The following KHDRBS3 variants were observed in gnomAD, a reference collection of about 807,000 sequenced individuals.
KHDRBS3 encodes KH RNA binding domain containing, signal transduction associated 3.
A neutral mutation model predicts 45.6 loss-of-function variants in KHDRBS3; 23 were observed. The observed-to-expected ratio is 0.50, with a 90% CI of 0.36 to 0.72. KHDRBS3 has a LOEUF of 0.72. Among genes scored for constraint, KHDRBS3 ranks in the 30% least tolerant of loss-of-function variants. The probability of loss-of-function intolerance (pLI) is 0.00; values close to 1 mark genes in which losing one functional copy is unlikely to be tolerated. For missense variants in KHDRBS3, 352 were observed against 424.8 expected, an observed-to-expected ratio of 0.83 and a Z score of 1.51; for synonymous variants, 162 against 156.5, an observed-to-expected ratio of 1.04 and a Z score of -0.26.
At position 135,472,477 on chromosome 8, in the gene KHDRBS3, C is replaced by T. The variant is rs566391030; in HGVS notation, c.88+14523C>T. Among the ~76,000 whole-genome samples the T allele has an allele frequency of 5.3e-5, 8 of 152,090 alleles. No homozygotes were observed. The East Asian group carries it at 1.5e-3, about 29-fold the overall frequency. ...AGTGCCCAGAGCTGTGTCTGAAATG[C>T]AAAAGACAAACTGTGTTTGTTGAAT... is the stretch of plus-strand genomic sequence containing the variant. On this transcript the variant is annotated intron_variant, in intron 1 of 8. Transcript: ENST00000355849.
intron 3 of KHDRBS3, among the ~76,000 whole-genome samples, chr8:135,543,585 G>A (rs1826146643): frequency 1.3e-5 from 2 of 152,030 alleles, no homozygotes; most frequent in African/African-American, 4.8e-5. Flanking sequence ...AATACAAATG[G>A]CCAGTATTTG....
At chr8:135,576,184 ATGT>A (rs1359164841) in intron 5 of KHDRBS3, among the ~76,000 whole-genome samples, 2 of 152,208 alleles carry the variant, frequency 1.3e-5, no homozygotes, top group African/African-American at 4.8e-5. Flanking sequence ...ACTTATGCTC[ATGT>A]TACCTTGATA....
At chr8:135,470,168 G>C (rs1372551606) in intron 1 of KHDRBS3, among the ~76,000 whole-genome samples, 1 of 152,074 alleles carries the variant, frequency 6.6e-6, no homozygotes, top group Non-Finnish European at 1.5e-5. Context: ...TAACGTTCTG[G>C]GTCACAAAAC....
At chr8:135,604,370 C>G (rs553880898) in intron 6 of KHDRBS3, among the ~76,000 whole-genome samples, 1 of 152,060 alleles carries the variant, frequency 6.6e-6, no homozygotes, top group African/African-American at 2.4e-5. Flanking sequence ...TCCCATAATG[C>G]TAATTTCTTC....
chr8:135,600,958 C>T (rs537378452), intron 6 of KHDRBS3, among the ~76,000 whole-genome samples: 1 of 152,330 alleles, frequency 6.6e-6, no homozygotes, highest in South Asian at 2.1e-4. Context: ...CCACCTCAGC[C>T]TTCCAAAGTG....
intron 6 of KHDRBS3, among the ~76,000 whole-genome samples, chr8:135,584,504 T>C (rs1828369925): frequency 6.6e-6 from 1 of 152,224 alleles, no homozygotes; most frequent in Admixed American, 6.5e-5. Context: ...CATCTATTAT[T>C]CCTGGCAGTG....
At chr8:135,630,412 T>G (rs1382989896) in intron 7 of KHDRBS3, among the ~76,000 whole-genome samples, 1 of 152,248 alleles carries the variant, frequency 6.6e-6, no homozygotes, top group African/African-American at 2.4e-5. Context: ...TTTCTTAATT[T>G]ACCAAACCTA....
chr8:135,586,652 T>C (rs1253707244), intron 6 of KHDRBS3, among the ~76,000 whole-genome samples: 7 of 152,230 alleles, frequency 4.6e-5, no homozygotes, highest in Admixed American at 3.3e-4. Flanking sequence ...TCTGTACCTC[T>C]GAAAAGGGCT....
intron 1 of KHDRBS3, among the ~76,000 whole-genome samples, chr8:135,515,005 A>C (rs1824495987): frequency 6.6e-6 from 1 of 152,028 alleles, no homozygotes; most frequent in African/African-American, 2.4e-5. Context: ...TTGCTGTGTA[A>C]ATTTATGTAT....
chr8:135,643,658 G>A (rs564874992), intron 7 of KHDRBS3, among the ~76,000 whole-genome samples: 2 of 152,338 alleles, frequency 1.3e-5, no homozygotes, highest in South Asian at 4.1e-4. Flanking sequence ...GTGATGATTA[G>A]TCTCTGGTGT....
intron 5 of KHDRBS3, among the ~76,000 whole-genome samples, chr8:135,559,625 T>A (rs1414801525): frequency 2.0e-5 from 3 of 152,152 alleles, no homozygotes; most frequent in African/African-American, 4.8e-5. Context: ...CCTCCCAAAG[T>A]GCTGGGATTA....
At position 135,462,211 on chromosome 8, in the gene KHDRBS3, T is replaced by G. The variant is rs139331111; in HGVS notation, c.88+4257T>G. Among the ~76,000 whole-genome samples the G allele has an allele frequency of 1.7e-3, 262 of 151,744 alleles. 3 individuals carry two copies. The South Asian group carries it at 0.022, about 13-fold the overall frequency. Reference sequence around the variant, plus strand: ...GGATGTGATTATTTAGTTTTTAGTTTTTTATTGTTTTTCTTTGTGTTATCA... The same window carrying G: ...GGATGTGATTATTTAGTTTTTAGTTGTTTATTGTTTTTCTTTGTGTTATCA... On this transcript the variant is annotated intron_variant, in intron 1 of 8. Coordinates refer to ENST00000355849, the MANE Select transcript of KHDRBS3 (RefSeq NM_006558.3).
rs754360102 is a variant in KHDRBS3, at chr8:135,581,930, A to G, written c.664A>G (p.Thr222Ala). ...AGTTGGAGTTGTAGTACCACGAGGG[A>G]CGCCAACTCCCAGAGGAGTCCTGTC... ...RPVGVVVPRG[T>A]PTPRGVLSTR... The change falls in exon 6 of 9, where the codon ACG becomes GCG. Residue 222 changes from threonine (T) to alanine (A), a missense_variant. This residue lies in a region of KHDRBS3 where 212 missense variants were observed against 209.6 expected (regional missense o/e 1.01). Transcript: ENST00000355849. 9 of 1,612,274 alleles carry G rather than the reference A, an allele frequency of 5.6e-6. No individual in the cohort carries two copies. The Admixed American group carries it at 1.3e-4, about 24-fold the overall frequency.
intron 1 of KHDRBS3, among the ~76,000 whole-genome samples, chr8:135,486,405 C>T (rs1009098050): frequency 6.6e-6 from 1 of 152,148 alleles, no homozygotes; most frequent in Non-Finnish European, 1.5e-5. Flanking sequence ...TGCCCTAGGG[C>T]TCATCTGAGC....
At chr8:135,461,310 G>A (rs1821419408) in intron 1 of KHDRBS3, among the ~76,000 whole-genome samples, 1 of 151,956 alleles carries the variant, frequency 6.6e-6, no homozygotes, top group Admixed American at 6.6e-5. Flanking sequence ...TCACTGTGTT[G>A]GCCAGGCTGG....
intron 4 of KHDRBS3, among the ~76,000 whole-genome samples, chr8:135,653,355 G>A (rs1426990913): frequency 6.6e-6 from 1 of 152,154 alleles, no homozygotes; most frequent in African/African-American, 2.4e-5. Context: ...ACGAATGAGT[G>A]AACAAATGAA....
At chr8:135,513,678 C>T (rs1376411353) in intron 1 of KHDRBS3, among the ~76,000 whole-genome samples, 5 of 152,026 alleles carry the variant, frequency 3.3e-5, no homozygotes, top group Non-Finnish European at 5.9e-5. Context: ...GAAAGTGGAC[C>T]CTTTTGCCAT....
chr8:135,518,053 G>A (rs918639927), intron 1 of KHDRBS3, among the ~76,000 whole-genome samples: 5 of 152,008 alleles, frequency 3.3e-5, no homozygotes, highest in Admixed American at 6.5e-5. Context: ...ATTTTCTTAC[G>A]ACAAAATGTT....
At chr8:135,654,369 A>G (rs1442288140) in intron 4 of KHDRBS3, among the ~76,000 whole-genome samples, 1 of 152,240 alleles carries the variant, frequency 6.6e-6, no homozygotes, top group Non-Finnish European at 1.5e-5. Flanking sequence ...GATGTTTCCC[A>G]TAGAGGTCAT....
Sources: gnomAD v4.1 joint callset for allele counts (sites outside exome capture counted in the v4.1 genomes callset) on GRCh38, gnomAD v4.1.1 for gene constraint, gnomAD v4.1.1 regional missense constraint, MANE v1.5 for transcripts, NCBI Gene and HGNC (gene_info 2026-07-23, HGNC 2026-07-21) for gene names.